Variants in GRK5 observed in about 807,000 individuals in gnomAD.
GRK5 encodes the protein G protein-coupled receptor kinase 5, also known as g protein-coupled receptor kinase GRK5.
GRK5 carries 40 observed loss-of-function variants against 78.4 expected under a neutral mutation model. The observed-to-expected ratio is 0.51, with a 90% CI of 0.40 to 0.66. GRK5 has a LOEUF of 0.66. GRK5 is among the 30% of genes least tolerant of loss of function. GRK5 has a pLI of 0.00. For synonymous variants in GRK5, 289 were observed against 296.8 expected, an observed-to-expected ratio of 0.97 and a Z score of 0.27; for missense variants, 598 against 759.9, an observed-to-expected ratio of 0.79 and a Z score of 2.50.
intron 5 of GRK5, among the ~76,000 whole-genome samples, chr10:119,423,954 C>T (rs1852622546): frequency 6.6e-6 from 1 of 152,210 alleles, no homozygotes. Flanking sequence ...TGGCACTGTG[C>T]TGGGTGCTGG....
chr10:119,337,752 T>A (rs1850916291), intron 2 of GRK5, among the ~76,000 whole-genome samples: 1 of 152,024 alleles, frequency 6.6e-6, no homozygotes, highest in African/African-American at 2.4e-5. Flanking sequence ...CTCGAGTAGC[T>A]GGGATTACAG....
intron 1 of GRK5, among the ~76,000 whole-genome samples, chr10:119,277,964 T>C (rs1403019787): frequency 6.6e-6 from 1 of 152,246 alleles, no homozygotes; most frequent in African/African-American, 2.4e-5. Context: ...ACTGTATCGA[T>C]AGACCACAGT....
chr10:119,436,262 G>A (rs1405674362), intron 8 of GRK5, among the ~76,000 whole-genome samples: 2 of 152,204 alleles, frequency 1.3e-5, no homozygotes, highest in Admixed American at 6.5e-5. Flanking sequence ...TGTGAGAATG[G>A]CTCCCATACC....
intron 1 of GRK5, among the ~76,000 whole-genome samples, chr10:119,270,419 G>C (rs979680649): frequency 1.3e-5 from 2 of 152,230 alleles, no homozygotes; most frequent in East Asian, 3.8e-4. Context: ...TATACACATA[G>C]CACTTACATT....
intron 1 of GRK5, among the ~76,000 whole-genome samples, chr10:119,318,351 A>C (rs910908374): frequency 1.3e-5 from 2 of 152,208 alleles, no homozygotes; most frequent in African/African-American, 4.8e-5. Context: ...ACTAGATGAC[A>C]TGTTACTGGT....
At chr10:119,341,543 C>T (rs1232554915) in intron 2 of GRK5, among the ~76,000 whole-genome samples, 3 of 152,126 alleles carry the variant, frequency 2.0e-5, no homozygotes, top group Admixed American at 1.3e-4. Context: ...TCCAGGAAGC[C>T]CTCCCTGGTG....
chr10:119,424,765 G>A (rs904550116), intron 5 of GRK5, among the ~76,000 whole-genome samples: 2 of 152,094 alleles, frequency 1.3e-5, no homozygotes, highest in African/African-American at 4.8e-5. Context: ...CTATATCCCA[G>A]GGCCTAGAAC....
intron 1 of GRK5, among the ~76,000 whole-genome samples, chr10:119,300,629 G>A (rs184479819): frequency 1.3e-4 from 20 of 152,320 alleles, no homozygotes; most frequent in African/African-American, 4.6e-4. Flanking sequence ...AATCACAGGC[G>A]GAACTAGGAC....
intron 1 of GRK5, among the ~76,000 whole-genome samples, chr10:119,276,032 A>G (rs1164529761): frequency 1.3e-5 from 2 of 152,182 alleles, no homozygotes; most frequent in Non-Finnish European, 2.9e-5. Context: ...TGTTTGCCAG[A>G]TTAAAGTTTC....
At chr10:119,291,352 A>G (rs1430067937) in intron 1 of GRK5, among the ~76,000 whole-genome samples, 3 of 152,102 alleles carry the variant, frequency 2.0e-5, no homozygotes, top group Admixed American at 6.5e-5. Context: ...TCAGCCTGGC[A>G]TCCTTGGAAA....
chr10:119,326,459 C>A, intron 1 of GRK5, 57 bp from the exon 2 acceptor site: 2 of 1,443,216 alleles, frequency 1.4e-6, no homozygotes, highest in East Asian at 2.3e-5. Context: ...AGGCTCACTG[C>A]GGGGACGCCG....
intron 4 of GRK5, among the ~76,000 whole-genome samples, chr10:119,405,867 A>C (rs964672387): frequency 6.6e-6 from 1 of 152,266 alleles, no homozygotes; most frequent in South Asian, 2.1e-4. Context: ...CTTTAAATCA[A>C]CTTATCTTTT....
chr10:119,453,022 G>T, intron 14 of GRK5, 123 bp from the exon 15 acceptor site: 1 of 860,370 alleles, frequency 1.2e-6, no homozygotes, highest in Non-Finnish European at 1.9e-6. Context: ...CAGCCCCTGA[G>T]ACCTGGAGGG....
At chr10:119,454,910 A>G (rs750913695) in intron 15 of GRK5, 59 bp from the exon 16 acceptor site, 12 of 1,138,178 alleles carry the variant, frequency 1.1e-5, no homozygotes, top group Admixed American at 5.1e-5. Flanking sequence ...ACCCATCCCC[A>G]GGGCTCCCAG....
chr10:119,339,479 A>G (rs1266857453), intron 2 of GRK5, among the ~76,000 whole-genome samples: 1 of 152,212 alleles, frequency 6.6e-6, no homozygotes, highest in Non-Finnish European at 1.5e-5. Context: ...GCCTGGGTGT[A>G]TTAAACCCCC....
intron 1 of GRK5, among the ~76,000 whole-genome samples, chr10:119,248,218 G>A (rs1849145143): frequency 6.6e-6 from 1 of 152,042 alleles, no homozygotes; most frequent in Non-Finnish European, 1.5e-5. Flanking sequence ...TTGCCATGTT[G>A]CCCAGGCTGG....
Position 119,430,956 on chromosome 10 carries a change from A to G in GRK5, c.598-431A>G, listed in dbSNP as rs570774472. On this transcript the variant is annotated intron_variant, in intron 7 of 15. Coordinates refer to ENST00000392870, the MANE Select transcript of GRK5 (RefSeq NM_005308.3). This position sits in a 1 kb window ranked among gnomAD's most constrained non-coding sequence, Gnocchi z 4.5. ...CAATGTGAGGCAGAGCTAAGACTTAAGCCCAAATGCTTTGGTTCCCGCTTA... is the reference window on the plus strand; with the variant it reads ...CAATGTGAGGCAGAGCTAAGACTTAGGCCCAAATGCTTTGGTTCCCGCTTA... Among the ~76,000 whole-genome samples, 91 of 152,320 alleles carry G rather than the reference A, an allele frequency of 6.0e-4. No homozygotes were observed. The highest frequency in any genetic ancestry group is 2.1e-3 in the African/African-American group (87 of 41,568).
At chr10:119,278,145 G>A (rs1849698516) in intron 1 of GRK5, among the ~76,000 whole-genome samples, 1 of 152,148 alleles carries the variant, frequency 6.6e-6, no homozygotes, top group African/African-American at 2.4e-5. Flanking sequence ...TATTCTTTGG[G>A]ACAAGGAATC....
At chr10:119,330,577 T>G (rs1850758713) in intron 2 of GRK5, among the ~76,000 whole-genome samples, 1 of 152,160 alleles carries the variant, frequency 6.6e-6, no homozygotes, top group Non-Finnish European at 1.5e-5. Flanking sequence ...AGTCTAGGAC[T>G]AGGTTCAGTG....
Sources: gnomAD v4.1 joint callset for allele counts (sites outside exome capture counted in the v4.1 genomes callset) on GRCh38, gnomAD v4.1.1 for gene constraint, Gnocchi (gnomAD v3.1) non-coding constraint, MANE v1.5 for transcripts, NCBI Gene and HGNC (gene_info 2026-07-23, HGNC 2026-07-21) for gene names.